Variants in PIK3C2G observed in about 807,000 individuals in gnomAD.
PIK3C2G encodes phosphatidylinositol-4-phosphate 3-kinase catalytic subunit type 2 gamma, also known as phosphatidylinositol 3-kinase C2 domain-containing subunit gamma.
PIK3C2G carries 168 observed loss-of-function variants against 181.1 expected under a neutral mutation model. The ratio of observed to expected loss-of-function variants is 0.93; its 90% CI spans 0.82 to 1.05. PIK3C2G has a LOEUF of 1.05. Among genes scored for constraint, PIK3C2G ranks in the 50% least tolerant of loss-of-function variants. The probability of loss-of-function intolerance (pLI) is 0.00; values close to 1 mark genes in which losing one functional copy is unlikely to be tolerated. For synonymous variants in PIK3C2G, 573 were observed against 592.2 expected, an observed-to-expected ratio of 0.97 and a Z score of 0.47; for missense variants, 1,869 against 1,732.8, an observed-to-expected ratio of 1.08 and a Z score of -1.40.
chr12:18,647,977 T>G lies in PIK3C2G; in HGVS notation c.4410T>G (p.Ser1470Arg). 1 of 1,599,430 alleles carries G rather than the reference T, an allele frequency of 6.3e-7. No homozygotes were observed. Among genetic ancestry groups the G allele is most frequent in the Non-Finnish European group, 8.5e-7 (1 of 1,171,492 alleles). The change falls in exon 33 of 33, where the codon AGT (serine) becomes AGG (arginine). Residue 1470 changes from serine to arginine, a missense_variant. By Grantham distance (110) the Ser-to-Arg change is moderately radical (BLOSUM62 -1). Transcript: ENST00000538779. Reference sequence around the variant, plus strand: ...GAGCAATTAACATCCGACTCTGTAGTGTCCCACTCGATAAAGAAAAATGGT... The same window carrying G: ...GAGCAATTAACATCCGACTCTGTAGGGTCCCACTCGATAAAGAAAAATGGT... The part of the protein sequence containing the change: ...FVGAINIRLC[S>R]VPLDKEKWYP...
intron 1 of PIK3C2G, among the ~76,000 whole-genome samples, chr12:18,279,381 G>A (rs1014859177): frequency 7.9e-5 from 12 of 151,902 alleles, no homozygotes; most frequent in South Asian, 6.2e-4. Context: ...GTTAGGTATC[G>A]TTAACAATAA....
chr12:18,251,769 A>G (rs894414914), intron 1 of PIK3C2G, among the ~76,000 whole-genome samples: 1 of 152,080 alleles, frequency 6.6e-6, no homozygotes, highest in African/African-American at 2.4e-5. Flanking sequence ...TCAATTTACA[A>G]TGTATTATAG....
intron 11 of PIK3C2G, among the ~76,000 whole-genome samples, chr12:18,351,476 C>T (rs1012935433): frequency 1.3e-5 from 2 of 152,054 alleles, no homozygotes; most frequent in Admixed American, 6.6e-5. Flanking sequence ...CTGATTTATC[C>T]TCATCATAGT....
chr12:18,332,715 G>C (rs1270413234), intron 8 of PIK3C2G, among the ~76,000 whole-genome samples: 2 of 152,064 alleles, frequency 1.3e-5, no homozygotes, highest in Admixed American at 1.3e-4. Flanking sequence ...CCAGAAGCAA[G>C]GGGTTTTTGC....
chr12:18,439,402 ATTC>A (rs1946616042), intron 18 of PIK3C2G, among the ~76,000 whole-genome samples: 1 of 152,064 alleles, frequency 6.6e-6, no homozygotes, highest in Admixed American at 6.6e-5. Context: ...TACAAGTAAA[ATTC>A]TTCATCAATT....
chr12:18,696,322 C>CTGTATA, the PIK3C2G span: 1 of 253,072 alleles, frequency 4.0e-6, no homozygotes, highest in Non-Finnish European at 6.8e-6. Flanking sequence ...TAAAAAGCCA[C>CTGTATA]TATATATATA....
the PIK3C2G span, among the ~76,000 whole-genome samples, chr12:18,675,308 C>G: frequency 6.6e-6 from 1 of 152,152 alleles, no homozygotes; most frequent in Non-Finnish European, 1.5e-5. Flanking sequence ...TTTCAAGCCA[C>G]TCTGTTTTGG....
In PIK3C2G at chr12:18,548,187, T is replaced by C. The variant is rs140777169; in HGVS notation, c.3590+1755T>C. 3.9e-3 allele frequency among the ~76,000 whole-genome samples: 586 copies of C among 151,884 alleles called. 1 individual carries two copies. Among genetic ancestry groups the C allele is most frequent in the Middle Eastern group, 6.8e-3 (2 of 294 alleles). On this transcript the variant is annotated intron_variant, in intron 26 of 32. Transcript: ENST00000538779. ...TCTTTTCTTTAAAATGGCTGCAGCA[T>C]GGCAGACACAATGATTGACATGTCA... is the stretch of plus-strand genomic sequence containing the variant.
intron 29 of PIK3C2G, among the ~76,000 whole-genome samples, chr12:18,583,869 A>T (rs1379718727): frequency 6.6e-6 from 1 of 152,152 alleles, no homozygotes; most frequent in Non-Finnish European, 1.5e-5. Flanking sequence ...AACTAGGCTG[A>T]GTTGGCTGGA....
At chr12:18,390,486 A>G (rs1259570193) in intron 14 of PIK3C2G, among the ~76,000 whole-genome samples, 1 of 152,172 alleles carries the variant, frequency 6.6e-6, no homozygotes, top group Non-Finnish European at 1.5e-5. Flanking sequence ...TCACTGAAAC[A>G]TGGTTTAACA....
intron 6 of PIK3C2G, among the ~76,000 whole-genome samples, chr12:18,317,012 T>C (rs913771428): frequency 1.1e-5 from 1 of 88,594 alleles, no homozygotes; most frequent in Non-Finnish European, 2.2e-5. Context: ...GTCTTGATTC[T>C]TTTTTTTTTT....
At chr12:18,709,721 A>C in the PIK3C2G span, among the ~76,000 whole-genome samples, 1 of 151,790 alleles carries the variant, frequency 6.6e-6, no homozygotes, top group Non-Finnish European at 1.5e-5. Context: ...ACCCCAAGGG[A>C]AAAAAAACCC....
At chr12:18,341,126 G>T (rs1345328594) in intron 9 of PIK3C2G, among the ~76,000 whole-genome samples, 1 of 152,126 alleles carries the variant, frequency 6.6e-6, no homozygotes, top group East Asian at 1.9e-4. Flanking sequence ...ATAATTTTAG[G>T]ATGAAGTATT....
chr12:18,487,096 T>TTGTGTG (rs35440588), intron 18 of PIK3C2G, among the ~76,000 whole-genome samples: 19,361 of 142,038 alleles, frequency 0.14, 1,471 homozygotes, highest in Non-Finnish European at 0.18. Context: ...TTGAGGTATT[T>TTGTGTG]TGTGTGTGTG....
intron 24 of PIK3C2G, among the ~76,000 whole-genome samples, chr12:18,511,122 C>G (rs939447219): frequency 2.6e-5 from 4 of 152,070 alleles, no homozygotes; most frequent in African/African-American, 9.7e-5. Context: ...GCATAATGCT[C>G]CCTGGATTCA....
intron 16 of PIK3C2G, among the ~76,000 whole-genome samples, chr12:18,407,975 C>A (rs1944634790): frequency 6.6e-6 from 1 of 152,074 alleles, no homozygotes; most frequent in Non-Finnish European, 1.5e-5. Flanking sequence ...CCAAGTTGGG[C>A]AAATTGGCCT....
intron 18 of PIK3C2G, among the ~76,000 whole-genome samples, chr12:18,442,991 C>T (rs1019171980): frequency 3.9e-5 from 6 of 152,036 alleles, no homozygotes; most frequent in Non-Finnish European, 8.8e-5. Context: ...CCTGCCTCAG[C>T]CTCCCACGTA....
the PIK3C2G span, among the ~76,000 whole-genome samples, chr12:18,671,376 C>T: frequency 6.6e-6 from 1 of 151,750 alleles, no homozygotes; most frequent in Non-Finnish European, 1.5e-5. Flanking sequence ...AAGAAACAGA[C>T]ACATGTAGGA....
chr12:18,383,986 T>A (rs1943006397), intron 14 of PIK3C2G, among the ~76,000 whole-genome samples: 1 of 122,514 alleles, frequency 8.2e-6, no homozygotes, highest in East Asian at 2.1e-4. Context: ...TTATTATTAT[T>A]ATTTTTTTTT....
Sources: gnomAD v4.1 joint callset for allele counts (sites outside exome capture counted in the v4.1 genomes callset) on GRCh38, gnomAD v4.1.1 for gene constraint, MANE v1.5 for transcripts, NCBI Gene and HGNC (gene_info 2026-07-23, HGNC 2026-07-21) for gene names.